Variants in TMEM54 observed in about 807,000 individuals in gnomAD.
TMEM54 encodes transmembrane protein 54, also known as beta-casein-like protein.
Under a neutral mutation model 21.3 loss-of-function variants are expected in TMEM54, and 21 were observed. The observed-to-expected ratio is 0.99, with a 90% confidence interval of 0.70 to 1.42. The LOEUF (loss-of-function observed/expected upper bound fraction) is 1.42, where lower values mean the gene tolerates loss of function less well. Ranked by LOEUF, TMEM54 falls within the 40% of genes most tolerant of loss-of-function variation. TMEM54 has a pLI of 0.00. For missense variants in TMEM54, 246 were observed against 294.0 expected, an observed-to-expected ratio of 0.84 and a Z score of 1.19; for synonymous variants, 109 against 125.0, an observed-to-expected ratio of 0.87 and a Z score of 0.86.
At position 32,896,630 on chromosome 1, in the gene TMEM54, C is replaced by G. The variant is rs950305218; in HGVS notation, c.211-661G>C. 1.3e-5 allele frequency among the ~76,000 whole-genome samples: 2 copies of G among 152,258 alleles called. No homozygotes were observed. Among genetic ancestry groups the G allele is most frequent in the Non-Finnish European group, 1.5e-5 (1 of 68,044 alleles). Reference sequence around the variant, plus strand: ...ACACGTTTCCCTAACCAGCCTCGATCCCAAGGGGTGGGGCTACCCCACAGT... The same window carrying G: ...ACACGTTTCCCTAACCAGCCTCGATGCCAAGGGGTGGGGCTACCCCACAGT... On this transcript the variant is annotated intron_variant, in intron 2 of 5. Transcript: ENST00000373463. This position sits in a 1 kb window ranked among gnomAD's most constrained non-coding sequence, Gnocchi z 4.1.
chr1:32,898,062 G>A, intron 2 of TMEM54, 64 bp downstream of exon 2: 1 of 1,498,108 alleles, frequency 6.7e-7, no homozygotes, highest in South Asian at 1.3e-5. Context: ...GTGGGGACCT[G>A]TTGAAGACCC....
Position 32,901,102 on chromosome 1 carries a change from G to A in TMEM54, c.16+121C>T, listed in dbSNP as rs1326343094. 3 of 1,098,736 alleles carry A rather than the reference G, an allele frequency of 2.7e-6. No homozygotes were observed. The allele number at this position is 1,098,736 out of a possible 1,614,324, so 68.1% of individuals were successfully genotyped here. Reference sequence around the variant, plus strand: ...AAAGTGACCCGACCCCGGCCTCGTAGTAAGTTAGAGGCAGAGCAGGTGGCC... The same window carrying A: ...AAAGTGACCCGACCCCGGCCTCGTAATAAGTTAGAGGCAGAGCAGGTGGCC... On this transcript the variant is annotated intron_variant, in intron 1 of 5. Transcript: ENST00000373463. This position sits in a 1 kb window ranked among gnomAD's most constrained non-coding sequence, Gnocchi z 4.2.
At position 32,901,193 on chromosome 1, in the gene TMEM54, G is replaced by A; in HGVS notation, c.16+30C>T. The A allele has an allele frequency of 1.3e-6, 2 of 1,483,602 alleles. No homozygotes were observed. Among genetic ancestry groups the A allele is most frequent in the Non-Finnish European group, 1.8e-6 (2 of 1,102,648 alleles). 91.9% of individuals were successfully genotyped at this position (1,483,602 alleles called of 1,614,324 possible). On this transcript the variant is annotated intron_variant, in intron 1 of 5. Coordinates refer to ENST00000373463, the MANE Select transcript of TMEM54 (RefSeq NM_033504.4). The surrounding 1 kb of genome is among the most constrained non-coding windows in gnomAD (Gnocchi z 4.2). Reference sequence around the variant, plus strand: ...TCCTGTGGGAGGGTTGGGGTGGTTCGGGGCCTCCCGCGCGCCCCCAGTCGC... The same window carrying A: ...TCCTGTGGGAGGGTTGGGGTGGTTCAGGGCCTCCCGCGCGCCCCCAGTCGC...
At position 32,895,204 on chromosome 1, in the gene TMEM54, C is replaced by T; in HGVS notation, c.594+101G>A. ...GGGAGAAAACTTCTGCCCCATTTCT[C>T]AAGGTGGGGGCCCATACATAGGGGT... On this transcript the variant is annotated intron_variant, in intron 5 of 5. Transcript: ENST00000373463. The surrounding 1 kb of genome is among the most constrained non-coding windows in gnomAD (Gnocchi z 5.8). 1 of 1,448,542 alleles carries T rather than the reference C, an allele frequency of 6.9e-7. No homozygotes were observed. The highest frequency in any genetic ancestry group is 9.2e-7 in the Non-Finnish European group (1 of 1,087,490). The allele number at this position is 1,448,542 out of a possible 1,614,324, so 89.7% of individuals were successfully genotyped here.
chr1:32,899,151 G>C (rs1641666945), intron 1 of TMEM54, among the ~76,000 whole-genome samples: 1 of 152,134 alleles, frequency 6.6e-6, no homozygotes, highest in African/African-American at 2.4e-5. Context: ...CCTGCTGTCT[G>C]AAATCTGCCC....
At position 32,894,605 on chromosome 1, in the gene TMEM54, G is replaced by A; in HGVS notation, c.*200C>T. ...GCATGCAGCCAAATGGAGCATCTCT[G>A]TTCTTTTTAATAATTTCAGAATAAA... On this transcript the variant is annotated 3_prime_UTR_variant, in exon 6 of 6. Transcript: ENST00000373463. 1 of 679,872 alleles carries A rather than the reference G, an allele frequency of 1.5e-6. No individual in the cohort carries two copies. Among genetic ancestry groups the A allele is most frequent in the East Asian group, 2.8e-5 (1 of 35,576 alleles). 42.1% of individuals were successfully genotyped at this position (679,872 alleles called of 1,614,324 possible).
intron 1 of TMEM54, among the ~76,000 whole-genome samples, chr1:32,900,536 G>C (rs1641701441): frequency 6.6e-6 from 1 of 152,202 alleles, no homozygotes; most frequent in Admixed American, 6.5e-5. Flanking sequence ...ACCACTGTGG[G>C]AGCGCATAGC....
intron 1 of TMEM54, among the ~76,000 whole-genome samples, chr1:32,899,482 T>G (rs1641678341): frequency 6.6e-6 from 1 of 151,454 alleles, no homozygotes; most frequent in Non-Finnish European, 1.5e-5. Flanking sequence ...GGAGAATCAC[T>G]TAAAGCCAGG....
chr1:32,896,718 C>G lies in TMEM54; in HGVS notation c.211-749G>C, dbSNP rs1641609066. ...CCCAGCCAGCCTTCCTCCTGATGTTCCTCACTGGACCAGGCTTGGGCCGGA... is the reference window on the plus strand; with the variant it reads ...CCCAGCCAGCCTTCCTCCTGATGTTGCTCACTGGACCAGGCTTGGGCCGGA... On this transcript the variant is annotated intron_variant, in intron 2 of 5. Transcript: ENST00000373463. The surrounding 1 kb of genome is among the most constrained non-coding windows in gnomAD (Gnocchi z 4.1). 6.6e-6 allele frequency among the ~76,000 whole-genome samples: 1 copy of G among 152,266 alleles called. No individual in the cohort carries two copies. The highest frequency in any genetic ancestry group is 2.1e-4 in the South Asian group (1 of 4,834).
intron 1 of TMEM54, among the ~76,000 whole-genome samples, chr1:32,900,945 GA>G (rs1641712466): frequency 6.6e-6 from 1 of 152,222 alleles, no homozygotes; most frequent in African/African-American, 2.4e-5. Flanking sequence ...GGGGGTCCCC[GA>G]GGGCAGTCGT....
At position 32,895,648 on chromosome 1, in the gene TMEM54, G is replaced by A; in HGVS notation, c.366C>T (p.Thr122=). Residue 122 remains threonine (T), a synonymous_variant, in exon 4 of 6, where the codon ACC becomes ACT. Coordinates refer to ENST00000373463, the MANE Select transcript of TMEM54 (RefSeq NM_033504.4). This position sits in a 1 kb window ranked among gnomAD's most constrained non-coding sequence, Gnocchi z 5.8. ...LLASIAMTFA[T]QGKALLAACT... is the part of the protein sequence containing the mutation. ...AGGCAGCCAGCAGTGCCTTGCCCTG[G>A]GTGGCAAAGGTCATGGCGATGGAGG... 1.3e-6 allele frequency: 2 copies of A among 1,564,652 alleles called. No homozygotes were observed. The highest frequency in any genetic ancestry group is 8.7e-7 in the Non-Finnish European group (1 of 1,154,212).
In TMEM54 at chr1:32,898,254, C is replaced by T. The variant is rs974323962; in HGVS notation, c.82G>A (p.Gly28Ser). Residue 28 changes from glycine (G) to serine (S), a missense_variant, in exon 2 of 6, where the codon GGC (glycine) becomes AGC (serine). Gly to Ser is a moderately conservative substitution (Grantham distance 56, BLOSUM62 0). Transcript: ENST00000373463. ...MKTGLVLVVLGHVSFITAALF... is the reference protein window; with the variant it reads ...MKTGLVLVVLSHVSFITAALF... ...GCAGCTGTGATGAAGCTCACATGGC[C>T]CAGCACCACCAGCACCAGGCCTGTC... 2 of 1,613,062 alleles carry T rather than the reference C, an allele frequency of 1.2e-6. No individual in the cohort carries two copies. The highest frequency in any genetic ancestry group is 2.2e-5 in the South Asian group (2 of 91,060).
intron 5 of TMEM54, 26 bp from the exon 6 acceptor site, chr1:32,894,905 ACC>A (rs746083236): frequency 6.2e-7 from 1 of 1,601,634 alleles, no homozygotes; most frequent in South Asian, 1.1e-5. Context: ...AGGCTGCCAG[ACC>A]CACTGGTTCT....
At position 32,898,133 on chromosome 1, in the gene TMEM54, GCGGAAGTGACAGA is replaced by G; in HGVS notation, c.190_202del (p.Ser64ProfsTer39). The G allele has an allele frequency of 1.3e-6, 2 of 1,593,728 alleles. No individual in the cohort carries two copies. Among genetic ancestry groups the G allele is most frequent in the Non-Finnish European group, 1.7e-6 (2 of 1,163,100 alleles). On this transcript the variant is annotated frameshift_variant, in exon 2 of 6. Coordinates refer to ENST00000373463, the MANE Select transcript of TMEM54 (RefSeq NM_033504.4). LOFTEE classifies it high-confidence loss of function. Reference sequence around the variant, plus strand: ...CTCCCAGCCTGGCCATACCACGATGGCGGAAGTGACAGAGAGGATGTTGACCACGCAGTACTGC... The same window carrying G: ...CTCCCAGCCTGGCCATACCACGATGGGAGGATGTTGACCACGCAGTACTGC...
In TMEM54 at chr1:32,896,597, A is replaced by G. The variant is rs1028331327; in HGVS notation, c.211-628T>C. On this transcript the variant is annotated intron_variant, in intron 2 of 5. Transcript: ENST00000373463. The surrounding 1 kb of genome is among the most constrained non-coding windows in gnomAD (Gnocchi z 4.1). Reference sequence around the variant, plus strand: ...CGTGTGGATCCTGCAAGCCCTGCTCAGGTTTGCACACGTTTCCCTAACCAG... The same window carrying G: ...CGTGTGGATCCTGCAAGCCCTGCTCGGGTTTGCACACGTTTCCCTAACCAG... Among the ~76,000 whole-genome samples, 6 of 151,974 alleles carry G rather than the reference A, an allele frequency of 3.9e-5. No individual in the cohort carries two copies. Among genetic ancestry groups the G allele is most frequent in the African/African-American group, 1.5e-4 (6 of 41,362 alleles).
intron 1 of TMEM54, among the ~76,000 whole-genome samples, chr1:32,898,854 T>G (rs1641661105): frequency 6.6e-6 from 1 of 152,178 alleles, no homozygotes; most frequent in Admixed American, 6.5e-5. Flanking sequence ...TGAACTGAAC[T>G]GCCCAGAGCC....
chr1:32,900,401 T>G (rs150229732), intron 1 of TMEM54, among the ~76,000 whole-genome samples: 4 of 152,236 alleles, frequency 2.6e-5, no homozygotes, highest in African/African-American at 9.6e-5. Context: ...TTTATTTAAA[T>G]TTTTTGTAGA....
chr1:32,897,196 C>T lies in TMEM54; in HGVS notation c.210+930G>A, dbSNP rs1253480109. On this transcript the variant is annotated intron_variant, in intron 2 of 5. Transcript: ENST00000373463. This position sits in a 1 kb window ranked among gnomAD's most constrained non-coding sequence, Gnocchi z 4.9. Reference sequence around the variant, plus strand: ...CCCAGCCCTGTCCCACCAACAGAGCCTCTCTTTCTTGCTGGGACCTATGAC... The same window carrying T: ...CCCAGCCCTGTCCCACCAACAGAGCTTCTCTTTCTTGCTGGGACCTATGAC... 6.6e-6 allele frequency among the ~76,000 whole-genome samples: 1 copy of T among 152,214 alleles called. No homozygotes were observed. The highest frequency in any genetic ancestry group is 1.5e-5 in the Non-Finnish European group (1 of 68,036).
chr1:32,894,600 T>A lies in TMEM54; in HGVS notation c.*205A>T. 3.8e-6 allele frequency: 2 copies of A among 524,696 alleles called. No homozygotes were observed. The highest frequency in any genetic ancestry group is 6.3e-6 in the Non-Finnish European group (2 of 318,752). The allele number at this position is 524,696 out of a possible 1,614,324, so 32.5% of individuals were successfully genotyped here. ...CCCCTGCATGCAGCCAAATGGAGCA[T>A]CTCTGTTCTTTTTAATAATTTCAGA... On this transcript the variant is annotated 3_prime_UTR_variant, in exon 6 of 6. Transcript: ENST00000373463.
Sources: gnomAD v4.1 joint callset for allele counts (sites outside exome capture counted in the v4.1 genomes callset) on GRCh38, gnomAD v4.1.1 for gene constraint, Gnocchi (gnomAD v3.1) non-coding constraint, MANE v1.5 for transcripts, NCBI Gene and HGNC (gene_info 2026-07-23, HGNC 2026-07-21) for gene names.